ZNF423: variants seen among roughly 807,000 people sequenced by gnomAD.
ZNF423 encodes Ebf-associated zinc finger protein.
Under a neutral mutation model 95.8 loss-of-function variants are expected in ZNF423, and 12 were observed. The ratio of observed to expected loss-of-function variants is 0.13; its 90% CI spans 0.08 to 0.20. ZNF423 has a LOEUF of 0.20. ZNF423 is among the 10% of genes least tolerant of loss of function. ZNF423 has a pLI of 1.00. For synonymous variants in ZNF423, 749 were observed against 711.9 expected (o/e 1.05, Z -0.83); for missense variants, 1,316 against 1,737.1 (o/e 0.76, Z 4.31).
At chr16:49,767,196 T>A (rs898113779) in intron 2 of ZNF423, among the ~76,000 whole-genome samples, 1 of 152,086 alleles carries the variant, frequency 6.6e-6, no homozygotes, top group Non-Finnish European at 1.5e-5. Flanking sequence ...CCTCAAGTTA[T>A]CCTCCTGCAT....
Position 49,850,525 on chromosome 16 carries a change from G to T in ZNF423, c.40+5210C>A, listed in dbSNP as rs2144123556. Among the ~76,000 whole-genome samples, 2 of 152,306 alleles carry T rather than the reference G, an allele frequency of 1.3e-5. 1 individual carries two copies. The highest frequency in any genetic ancestry group is 4.1e-4 in the South Asian group (2 of 4,824). ...ATACGAAGGAACCCTGATATCTTCT[G>T]CAAATGTTTTCAAGACATGAAGATA... is the stretch of plus-strand genomic sequence containing the variant. On this transcript the variant is annotated intron_variant, in intron 1 of 7. Transcript: ENST00000563137.
intron 3 of ZNF423, among the ~76,000 whole-genome samples, chr16:49,677,903 C>G (rs2031186502): frequency 6.6e-6 from 1 of 151,990 alleles, no homozygotes; most frequent in South Asian, 2.1e-4. Flanking sequence ...CATTTTTTGG[C>G]CAGGCGCAGT....
intron 2 of ZNF423, among the ~76,000 whole-genome samples, chr16:49,765,864 G>C (rs1285393073): frequency 6.6e-6 from 1 of 152,176 alleles, no homozygotes; most frequent in Non-Finnish European, 1.5e-5. Context: ...ATGAGGGCCT[G>C]GCTGCAGTAG....
At chr16:49,505,857 CAT>C (rs1967613218) in intron 7 of ZNF423, among the ~76,000 whole-genome samples, 1 of 152,218 alleles carries the variant, frequency 6.6e-6, no homozygotes, top group African/African-American at 2.4e-5. Flanking sequence ...CCCTCTCATA[CAT>C]ACCCAGCCTC....
intron 2 of ZNF423, among the ~76,000 whole-genome samples, chr16:49,767,098 G>C (rs2033943823): frequency 6.6e-6 from 1 of 151,996 alleles, no homozygotes; most frequent in Non-Finnish European, 1.5e-5. Flanking sequence ...CACCACAGGT[G>C]TGTGCCACTC....
At chr16:49,815,684 T>C (rs1426957573) in intron 1 of ZNF423, among the ~76,000 whole-genome samples, 2 of 151,448 alleles carry the variant, frequency 1.3e-5, no homozygotes. Context: ...GAAGGCTTGA[T>C]GCACACAACA....
chr16:49,550,686 T>C (rs751853181), intron 5 of ZNF423, among the ~76,000 whole-genome samples: 57 of 152,330 alleles, frequency 3.7e-4, no homozygotes, highest in Non-Finnish European at 6.9e-4. Context: ...GGGACATCAT[T>C]TGTGGATAAG....
intron 1 of ZNF423, among the ~76,000 whole-genome samples, chr16:49,815,881 A>C (rs12927577): frequency 2.1e-5 from 1 of 47,590 alleles, no homozygotes; most frequent in Non-Finnish European, 3.5e-5. Flanking sequence ...AAAAAAAAAA[A>C]ATATATATAT....
At chr16:49,781,466 G>A (rs2034210689) in intron 2 of ZNF423, among the ~76,000 whole-genome samples, 1 of 152,204 alleles carries the variant, frequency 6.6e-6, no homozygotes, top group Admixed American at 6.5e-5. Context: ...TCATCTAGAA[G>A]CTTATAGACG....
chr16:49,576,515 G>A (rs1181614123), intron 5 of ZNF423, among the ~76,000 whole-genome samples: 2 of 152,244 alleles, frequency 1.3e-5, no homozygotes, highest in Admixed American at 1.3e-4. Context: ...ACTACCTGGA[G>A]GCAGGCACTC....
At chr16:49,672,705 A>C (rs951006335) in intron 3 of ZNF423, among the ~76,000 whole-genome samples, 1 of 151,992 alleles carries the variant, frequency 6.6e-6, no homozygotes, top group African/African-American at 2.4e-5. Flanking sequence ...AATCCCAGCT[A>C]CTCGCGAGGC....
intron 3 of ZNF423, among the ~76,000 whole-genome samples, chr16:49,669,906 G>A (rs995882821): frequency 9.9e-5 from 15 of 152,222 alleles, no homozygotes; most frequent in Non-Finnish European, 4.4e-5. Context: ...GGTCAGAGGG[G>A]AATGATGGCT....
intron 5 of ZNF423, among the ~76,000 whole-genome samples, chr16:49,617,937 A>G (rs1971930796): frequency 6.6e-6 from 1 of 151,806 alleles, no homozygotes; most frequent in Non-Finnish European, 1.5e-5. Context: ...TTCAGCACCA[A>G]CCACCCTACA....
intron 2 of ZNF423, among the ~76,000 whole-genome samples, chr16:49,769,216 G>A (rs1300685258): frequency 3.3e-5 from 5 of 151,942 alleles, no homozygotes; most frequent in African/African-American, 4.8e-5. Context: ...TTAGCCGGGC[G>A]TGGTGGTGGG....
At chr16:49,600,878 G>A (rs1403080457) in intron 5 of ZNF423, among the ~76,000 whole-genome samples, 2 of 152,154 alleles carry the variant, frequency 1.3e-5, no homozygotes, top group South Asian at 2.1e-4. Flanking sequence ...CCCGGCCGGC[G>A]GCCTCCAAAC....
intron 3 of ZNF423, among the ~76,000 whole-genome samples, chr16:49,710,991 C>G (rs532249786): frequency 6.6e-6 from 1 of 152,264 alleles, no homozygotes; most frequent in South Asian, 2.1e-4. Flanking sequence ...GGTACTGACT[C>G]CCCTCTGTGG....
rs562797077 is a variant in ZNF423, at chr16:49,603,504, G to A, written c.3601+22666C>T. Among the ~76,000 whole-genome samples, 49 of 152,096 alleles carry A rather than the reference G, an allele frequency of 3.2e-4. No individual in the cohort carries two copies. The highest frequency in any genetic ancestry group is 6.0e-4 in the Non-Finnish European group (41 of 68,030). On this transcript the variant is annotated intron_variant, in intron 5 of 7. Transcript: ENST00000563137. The surrounding 1 kb of genome is among the most constrained non-coding windows in gnomAD (Gnocchi z 4.1). The stretch of plus-strand genomic sequence containing the variant: ...AGCTTGCTGCGACCTCCGCCTCCCG[G>A]GTTCAAGTGATTCTCCTGCCTCAGC...
chr16:49,616,449 G>A (rs1971878416), intron 5 of ZNF423, among the ~76,000 whole-genome samples: 1 of 152,036 alleles, frequency 6.6e-6, no homozygotes. Flanking sequence ...ATCATTTATT[G>A]TACATTTTAA....
intron 2 of ZNF423, among the ~76,000 whole-genome samples, chr16:49,748,025 T>A (rs2033559735): frequency 6.6e-6 from 1 of 152,224 alleles, no homozygotes; most frequent in Non-Finnish European, 1.5e-5. Context: ...GGAGGATCAC[T>A]TTAGCCCAGG....
Sources: allele counts gnomAD v4.1 joint callset (sites outside exome capture counted in the v4.1 genomes callset), GRCh38; gene constraint gnomAD v4.1.1; non-coding constraint Gnocchi (gnomAD v3.1); transcripts MANE v1.5; gene names NCBI Gene and HGNC (gene_info 2026-07-23, HGNC 2026-07-21).